Variants in CSPP1 observed in about 807,000 individuals in gnomAD.
CSPP1 encodes the protein centrosome and spindle pole associated protein 1.
In CSPP1, 126 loss-of-function variants were observed where a neutral mutation model predicts 164.4. That is an observed-to-expected ratio of 0.77 (90% CI 0.66 to 0.89). CSPP1 has a LOEUF of 0.89. Ranked by LOEUF, CSPP1 falls within the 40% of genes least tolerant of loss-of-function variation. The probability of loss-of-function intolerance (pLI) is 0.00; values close to 1 mark genes in which losing one functional copy is unlikely to be tolerated. For synonymous variants in CSPP1, 472 were observed against 476.7 expected, an observed-to-expected ratio of 0.99 and a Z score of 0.13; for missense variants, 1,395 against 1,449.8, an observed-to-expected ratio of 0.96 and a Z score of 0.61.
chr8:67,094,896 A>G (rs538792902), intron 6 of CSPP1, among the ~76,000 whole-genome samples: 101 of 152,288 alleles, frequency 6.6e-4, no homozygotes, highest in African/African-American at 2.3e-3. Context: ...ACTAGTTTAC[A>G]TTTGATCATT....
chr8:67,129,586 A>G (rs776400721), intron 15 of CSPP1, among the ~76,000 whole-genome samples: 7 of 152,216 alleles, frequency 4.6e-5, no homozygotes, highest in East Asian at 1.9e-4. Flanking sequence ...ATTATTGATA[A>G]TAGTCAAAAA....
chr8:67,147,585 A>C (rs1824846993), intron 17 of CSPP1, among the ~76,000 whole-genome samples: 2 of 152,078 alleles, frequency 1.3e-5, no homozygotes, highest in Non-Finnish European at 2.9e-5. Context: ...CATTGTCAAC[A>C]AAAAGCCTGA....
chr8:67,167,625 C>T lies in CSPP1; in HGVS notation c.2828+3117C>T, dbSNP rs1181868860. ...GGGGCTCCTCACTTCTCAGACAGGG[C>T]GGCCGGGCAGAGACGCTCCTCACCT... is the stretch of plus-strand genomic sequence containing the variant. On this transcript the variant is annotated intron_variant, in intron 24 of 30. Coordinates refer to ENST00000678616, the MANE Select transcript of CSPP1 (RefSeq NM_001382391.1). Among the ~76,000 whole-genome samples the T allele has an allele frequency of 4.0e-5, 6 of 151,018 alleles. No homozygotes were observed. The South Asian group carries it at 6.3e-4, about 16-fold the overall frequency.
At chr8:67,126,719 A>G (rs1023085879) in intron 15 of CSPP1, among the ~76,000 whole-genome samples, 2 of 152,162 alleles carry the variant, frequency 1.3e-5, no homozygotes, top group African/African-American at 4.8e-5. Flanking sequence ...ATTCTCAGGA[A>G]TATGTTGGAG....
At chr8:67,064,387 C>A (rs376151631), upstream of CSPP1, 1 of 1,612,308 alleles carries the variant, frequency 6.2e-7, no homozygotes, top group Admixed American at 1.7e-5. Flanking sequence ...AGCCCCGGCC[C>A]GGAGGTCTGT....
intron 8 of CSPP1, among the ~76,000 whole-genome samples, chr8:67,105,006 T>G (rs1165503065): frequency 6.9e-6 from 1 of 144,614 alleles, no homozygotes; most frequent in African/African-American, 2.5e-5. Flanking sequence ...GGGGTAGCTG[T>G]TTTTTTATGA....
chr8:67,129,931 A>T (rs899798149), intron 15 of CSPP1, among the ~76,000 whole-genome samples: 2 of 152,208 alleles, frequency 1.3e-5, no homozygotes, highest in Non-Finnish European at 2.9e-5. Context: ...TGATGATCGC[A>T]CAACTCTATA....
intron 15 of CSPP1, among the ~76,000 whole-genome samples, chr8:67,130,912 C>T (rs189793917): frequency 8.3e-4 from 127 of 152,174 alleles, no homozygotes; most frequent in Middle Eastern, 6.8e-3. Flanking sequence ...CGCTTAAACC[C>T]GGGAGGCGGA....
At chr8:67,071,564 T>A (rs1471917290) in intron 1 of CSPP1, among the ~76,000 whole-genome samples, 3 of 152,220 alleles carry the variant, frequency 2.0e-5, no homozygotes, top group Non-Finnish European at 2.9e-5. Context: ...TCTAACCGTC[T>A]ACTGTAAATT....
rs988655476 is a variant in CSPP1, at chr8:67,064,422, C to G, written c.-127C>G. ...TCATGCTGTTCCCGCTCCAGGTGGC[C>G]GCTGTAACCTCTTCGGTCCGCGACG... On this transcript the variant is annotated 5_prime_UTR_variant, in exon 1 of 31. Coordinates refer to ENST00000678616, the MANE Select transcript of CSPP1 (RefSeq NM_001382391.1). The G allele has an allele frequency of 8.1e-6, 13 of 1,613,744 alleles. No homozygotes were observed. Among genetic ancestry groups the G allele is most frequent in the African/African-American group, 8.0e-5 (6 of 74,900 alleles).
intron 4 of CSPP1, among the ~76,000 whole-genome samples, chr8:67,090,855 T>C (rs1279485491): frequency 6.6e-6 from 1 of 152,220 alleles, no homozygotes; most frequent in African/African-American, 2.4e-5. Context: ...TTGACAATTA[T>C]TGATTGATTT....
chr8:67,087,152 AATT>A (rs1386793158), intron 4 of CSPP1, among the ~76,000 whole-genome samples: 2 of 143,470 alleles, frequency 1.4e-5, no homozygotes, highest in African/African-American at 5.5e-5. Context: ...TTCAGCATGC[AATT>A]TTTTATTTCT....
At chr8:67,090,665 T>C (rs887275844) in intron 4 of CSPP1, among the ~76,000 whole-genome samples, 3 of 152,236 alleles carry the variant, frequency 2.0e-5, no homozygotes, top group African/African-American at 7.2e-5. Context: ...GCTATTGTAG[T>C]TAATACGTTG....
chr8:67,149,947 CTTTTTTTTTTT>C lies in CSPP1; in HGVS notation c.2128+26_2128+36del. ...AAATAAAAGCTCAGGTTTTTAATCA[CTTTTTTTTTTT>C]TTTTTTTTTTTTTACATTTCTGAAA... On this transcript the variant is annotated intron_variant, in intron 18 of 30. Transcript: ENST00000678616. 1 of 1,138,318 alleles carries C rather than the reference CTTTTTTTTTTT, an allele frequency of 8.8e-7. No individual in the cohort carries two copies. The highest frequency in any genetic ancestry group is 2.2e-5 in the African/African-American group (1 of 44,976). 70.5% of individuals were successfully genotyped at this position (1,138,318 alleles called of 1,614,324 possible).
chr8:67,078,908 G>A (rs886864305), intron 3 of CSPP1, among the ~76,000 whole-genome samples: 1 of 152,066 alleles, frequency 6.6e-6, no homozygotes, highest in Non-Finnish European at 1.5e-5. Context: ...AGGAGGCGGA[G>A]GTTGCAGTGA....
intron 17 of CSPP1, among the ~76,000 whole-genome samples, chr8:67,140,227 GGCATGCACCA>G (rs1428275843): frequency 6.6e-6 from 1 of 152,084 alleles, no homozygotes; most frequent in Non-Finnish European, 1.5e-5. Context: ...GGGATTTATA[GGCATGCACCA>G]CCACACCCGG....
intron 1 of CSPP1, among the ~76,000 whole-genome samples, chr8:67,067,495 G>A (rs556336281): frequency 1.3e-5 from 2 of 151,316 alleles, no homozygotes; most frequent in African/African-American, 4.9e-5. Flanking sequence ...CAAGAGTCTC[G>A]CTCTGTCACC....
chr8:67,109,148 T>G (rs1816293480), intron 9 of CSPP1, among the ~76,000 whole-genome samples: 2 of 152,226 alleles, frequency 1.3e-5, no homozygotes, highest in Admixed American at 1.3e-4. Flanking sequence ...CAGGCTGCCT[T>G]TTAACCGGAG....
intron 13 of CSPP1, among the ~76,000 whole-genome samples, chr8:67,116,767 A>AT (rs1348159799): frequency 1.3e-5 from 2 of 152,036 alleles, no homozygotes; most frequent in South Asian, 2.1e-4. Context: ...GCCTGGGCTT[A>AT]TTTTTTGTTC....
Sources: gnomAD v4.1 joint callset for allele counts (sites outside exome capture counted in the v4.1 genomes callset) on GRCh38, gnomAD v4.1.1 for gene constraint, MANE v1.5 for transcripts, NCBI Gene and HGNC (gene_info 2026-07-23, HGNC 2026-07-21) for gene names.